The following ST8SIA4 variants were observed in gnomAD, a reference collection of about 807,000 sequenced individuals.
ST8SIA4 encodes the protein CMP-N-acetylneuraminate-poly-alpha-2,8-sialyltransferase.
ST8SIA4 carries 15 observed loss-of-function variants against 33.9 expected under a neutral mutation model. The ratio of observed to expected loss-of-function variants is 0.44; its 90% CI spans 0.30 to 0.68. ST8SIA4 has a LOEUF of 0.68. ST8SIA4 is among the 30% of genes least tolerant of loss of function. ST8SIA4 has a pLI of 0.10. For missense variants in ST8SIA4, 321 were observed against 428.0 expected (o/e 0.75, Z 2.21); for synonymous variants, 171 against 151.2 (o/e 1.13, Z -0.96).
At chr5:100,886,231 C>T (rs1370236469) in intron 3 of ST8SIA4, 112 bp downstream of exon 3, 6 of 1,484,114 alleles carry the variant, frequency 4.0e-6, no homozygotes, top group Non-Finnish European at 5.3e-6. Flanking sequence ...ATATCATAGA[C>T]AAATATTTGT....
intron 3 of ST8SIA4, among the ~76,000 whole-genome samples, chr5:100,869,738 A>C (rs953856425): frequency 6.6e-6 from 1 of 152,214 alleles, no homozygotes; most frequent in Non-Finnish European, 1.5e-5. Context: ...GCAAATTCTT[A>C]ACATGATGTC....
intron 3 of ST8SIA4, among the ~76,000 whole-genome samples, chr5:100,871,198 A>G (rs1236050655): frequency 2.0e-5 from 3 of 152,050 alleles, no homozygotes; most frequent in Non-Finnish European, 2.9e-5. Context: ...CTATTTTGTC[A>G]TAAAAGAGTT....
At chr5:100,898,059 T>C (rs1337084696) in intron 1 of ST8SIA4, among the ~76,000 whole-genome samples, 4 of 152,230 alleles carry the variant, frequency 2.6e-5, no homozygotes, top group African/African-American at 9.6e-5. Context: ...ACCTTATTAA[T>C]TGATGTATCA....
intron 3 of ST8SIA4, among the ~76,000 whole-genome samples, chr5:100,857,380 A>T (rs963752333): frequency 6.7e-6 from 1 of 148,496 alleles, no homozygotes; most frequent in Non-Finnish European, 1.5e-5. Flanking sequence ...AAATAGCTTC[A>T]TTTTTTTTTT....
chr5:100,831,731 A>C (rs139320416), intron 4 of ST8SIA4, among the ~76,000 whole-genome samples: 45 of 152,298 alleles, frequency 3.0e-4, no homozygotes, highest in African/African-American at 1.1e-3. Context: ...GGCCCAATGC[A>C]TAGAGCTAAA....
rs150973299 is a variant in ST8SIA4, at chr5:100,821,336, G to A, written c.798-9207C>T. Among the ~76,000 whole-genome samples, 556 of 152,158 alleles carry A rather than the reference G, an allele frequency of 3.7e-3. 2 individuals carry two copies. Among genetic ancestry groups the A allele is most frequent in the African/African-American group, 0.013 (531 of 41,538 alleles). On this transcript the variant is annotated intron_variant, in intron 4 of 4. Transcript: ENST00000231461. The stretch of plus-strand genomic sequence containing the variant: ...AGATAGGGAAGACGATAATGATCTA[G>A]GTGTTTATCCATGCAAATTTTTTAT...
At position 100,808,884 on chromosome 5, in the gene ST8SIA4, C is replaced by A. The variant is rs1399402369; in HGVS notation, c.*2963G>T. ...GTTTGTCTTCTTTGAACCCTAAATA[C>A]CTTTAACTGAATTCATTCTTGACTA... On this transcript the variant is annotated 3_prime_UTR_variant, in exon 5 of 5. Coordinates refer to ENST00000231461, the MANE Select transcript of ST8SIA4 (RefSeq NM_005668.6). 1 of 152,556 alleles carries A rather than the reference C, an allele frequency of 6.6e-6. No individual in the cohort carries two copies. The highest frequency in any genetic ancestry group is 2.4e-5 in the African/African-American group (1 of 41,430). 9.5% of individuals were successfully genotyped at this position (152,556 alleles called of 1,614,324 possible).
chr5:100,900,498 G>T (rs541555507), intron 1 of ST8SIA4: 1 of 456,240 alleles, frequency 2.2e-6, no homozygotes, highest in South Asian at 1.5e-5. Context: ...ATGAGCTCGG[G>T]TCACAAGCTT....
chr5:100,854,823 T>C (rs1052062493), intron 4 of ST8SIA4, among the ~76,000 whole-genome samples: 2 of 152,208 alleles, frequency 1.3e-5, no homozygotes, highest in African/African-American at 2.4e-5. Context: ...GTATCCATTG[T>C]ATTTAATTGG....
At chr5:100,826,820 G>A (rs955845624) in intron 4 of ST8SIA4, among the ~76,000 whole-genome samples, 6 of 151,700 alleles carry the variant, frequency 4.0e-5, no homozygotes, top group Non-Finnish European at 8.8e-5. Context: ...TATATAACAT[G>A]TATAGTTATA....
chr5:100,877,687 C>T (rs1483530751), intron 3 of ST8SIA4, among the ~76,000 whole-genome samples: 3 of 152,056 alleles, frequency 2.0e-5, no homozygotes, highest in Admixed American at 1.3e-4. Flanking sequence ...TAAGGGAAAA[C>T]GTAGTACCAG....
chr5:100,850,967 T>G (rs2112433607), intron 4 of ST8SIA4, among the ~76,000 whole-genome samples: 1 of 143,252 alleles, frequency 7.0e-6, no homozygotes, highest in Non-Finnish European at 1.5e-5. Flanking sequence ...TTTTTTTTTT[T>G]TTTTTTTTTT....
At position 100,886,519 on chromosome 5, in the gene ST8SIA4, G is replaced by A; in HGVS notation, c.327C>T (p.His109=). The A allele has an allele frequency of 6.2e-7, 1 of 1,613,856 alleles. No individual in the cohort carries two copies. Among genetic ancestry groups the A allele is most frequent in the Non-Finnish European group, 8.5e-7 (1 of 1,179,790 alleles). ...KSSFKPGDVI[H]YVLDRRRTLN... ...GTGTCCGGCGCCTGTCAAGCACATA[G>A]TGTATGACATCACCAGGCTTAAAAC... Residue 109 remains histidine (H), a synonymous_variant, in exon 3 of 5, where the codon CAC becomes CAT. Coordinates refer to ENST00000231461, the MANE Select transcript of ST8SIA4 (RefSeq NM_005668.6).
At chr5:100,868,947 A>G (rs1752138948) in intron 3 of ST8SIA4, among the ~76,000 whole-genome samples, 1 of 152,130 alleles carries the variant, frequency 6.6e-6, no homozygotes, top group African/African-American at 2.4e-5. Flanking sequence ...GACATCTTTA[A>G]TAAGTTAGTA....
intron 4 of ST8SIA4, among the ~76,000 whole-genome samples, chr5:100,827,642 C>T (rs971070534): frequency 1.3e-5 from 2 of 152,194 alleles, no homozygotes; most frequent in Non-Finnish European, 2.9e-5. Context: ...AGGTCATATC[C>T]TGGATTTTAC....
At position 100,895,688 on chromosome 5, in the gene ST8SIA4, A is replaced by G. The variant is rs1398468352; in HGVS notation, c.211T>C (p.Trp71Arg). The change falls in exon 2 of 5, where the codon TGG becomes CGG. Residue 71 changes from tryptophan (W) to arginine (R), a missense_variant. Trp to Arg is a moderately radical substitution (Grantham distance 101, BLOSUM62 -3). Transcript: ENST00000231461. ...AGGACCAAAGAGGAATTGATTTTCC[A>G]ACCTTCTACATTGTGCTGGAAGATT... is the stretch of plus-strand genomic sequence containing the variant. ...SSIFQHNVEG[W>R]KINSSLVLEI... 1 of 1,611,540 alleles carries G rather than the reference A, an allele frequency of 6.2e-7. No individual in the cohort carries two copies. The highest frequency in any genetic ancestry group is 1.1e-5 in the South Asian group (1 of 90,644).
Position 100,856,142 on chromosome 5 carries a change from G to C in ST8SIA4, c.758C>G (p.Thr253Ser). ...LILKNKLKVR[T>S]AYPSLRLIHA... ...AATAAGTCTCAATGACGGATAGGCAGTTCGCACTTTCAGTTTATTCTTAAG... is the reference window on the plus strand; with the variant it reads ...AATAAGTCTCAATGACGGATAGGCACTTCGCACTTTCAGTTTATTCTTAAG... Residue 253 changes from threonine to serine, a missense_variant, in exon 4 of 5, where the codon ACT (threonine) becomes AGT (serine). Coordinates refer to ENST00000231461, the MANE Select transcript of ST8SIA4 (RefSeq NM_005668.6). 1 of 1,614,060 alleles carries C rather than the reference G, an allele frequency of 6.2e-7. No homozygotes were observed. The highest frequency in any genetic ancestry group is 1.6e-4 in the Middle Eastern group (1 of 6,062).
intron 4 of ST8SIA4, among the ~76,000 whole-genome samples, chr5:100,841,889 A>G (rs1751478430): frequency 6.6e-6 from 1 of 151,872 alleles, no homozygotes; most frequent in African/African-American, 2.4e-5. Context: ...GCATTCCAAA[A>G]CTACCTTGTC....
chr5:100,894,604 G>T (rs1381029730), intron 2 of ST8SIA4, among the ~76,000 whole-genome samples: 1 of 151,870 alleles, frequency 6.6e-6, no homozygotes, highest in Admixed American at 6.6e-5. Flanking sequence ...CCAGACATTC[G>T]TTCAAGTAAA....
Sources: gnomAD v4.1 joint callset for allele counts (sites outside exome capture counted in the v4.1 genomes callset) on GRCh38, gnomAD v4.1.1 for gene constraint, MANE v1.5 for transcripts, NCBI Gene and HGNC (gene_info 2026-07-23, HGNC 2026-07-21) for gene names.